Variants in EXOC1 observed in about 807,000 individuals in gnomAD.
The protein encoded by EXOC1 is exocyst complex component 1.
In EXOC1, 67 loss-of-function variants were observed where a neutral mutation model predicts 107.7. The observed-to-expected ratio is 0.62, with a 90% confidence interval of 0.51 to 0.76. EXOC1 has a LOEUF of 0.76. Ranked by LOEUF, EXOC1 falls within the 30% of genes least tolerant of loss-of-function variation. EXOC1 has a pLI of 0.00. For missense variants in EXOC1, 833 were observed against 1,055.7 expected (o/e 0.79, Z 2.92); for synonymous variants, 348 against 353.5 (o/e 0.98, Z 0.17).
chr4:55,896,141 G>T (rs1017685931), intron 15 of EXOC1, among the ~76,000 whole-genome samples: 11 of 152,110 alleles, frequency 7.2e-5, no homozygotes, highest in African/African-American at 2.4e-4. Context: ...GGCCTTGATT[G>T]TATTTTGTTT....
chr4:55,860,592 T>C, intron 3 of EXOC1, 51 bp downstream of exon 3: 1 of 1,598,270 alleles, frequency 6.3e-7, no homozygotes, highest in Non-Finnish European at 8.6e-7. Flanking sequence ...TCTTTCATTT[T>C]ATAACATGGT....
intron 3 of EXOC1, among the ~76,000 whole-genome samples, chr4:55,862,011 G>A (rs569848815): frequency 1.2e-4 from 18 of 151,982 alleles, no homozygotes; most frequent in Non-Finnish European, 2.2e-4. Flanking sequence ...CCGAGATTGC[G>A]CCACTGCACT....
intron 13 of EXOC1, 94 bp from the exon 14 acceptor site, chr4:55,892,541 C>T: frequency 1.1e-6 from 1 of 935,454 alleles, no homozygotes; most frequent in East Asian, 2.4e-5. Context: ...GTATTCTTTC[C>T]TAGGAATTTT....
chr4:55,880,421 G>A (rs1723285388), intron 9 of EXOC1, among the ~76,000 whole-genome samples: 2 of 151,914 alleles, frequency 1.3e-5, no homozygotes, highest in Admixed American at 1.3e-4. Flanking sequence ...CACCTCCACT[G>A]TTGTGTTATA....
intron 16 of EXOC1, among the ~76,000 whole-genome samples, chr4:55,899,095 A>G (rs945057409): frequency 1.3e-5 from 2 of 152,078 alleles, no homozygotes; most frequent in African/African-American, 2.4e-5. Context: ...CTGATAGGCT[A>G]TAAATTATCT....
Position 55,858,461 on chromosome 4 carries a change from A to G in EXOC1, c.124+14A>G, listed in dbSNP as rs1447739909. The G allele has an allele frequency of 1.9e-6, 3 of 1,574,550 alleles. No individual in the cohort carries two copies. The highest frequency in any genetic ancestry group is 1.7e-6 in the Non-Finnish European group (2 of 1,163,762). On this transcript the variant is annotated intron_variant, in intron 2 of 18. Coordinates refer to ENST00000381295, the MANE Select transcript of EXOC1 (RefSeq NM_001024924.2). ...TATGTGCCACAGGTGGGTATTTAGT[A>G]AGAAAGAGTACTTGTTTTGTATCCT...
chr4:55,860,219 C>G (rs1721345085), intron 2 of EXOC1, among the ~76,000 whole-genome samples, 192 bp from the exon 3 acceptor site: 2 of 152,156 alleles, frequency 1.3e-5, no homozygotes, highest in Admixed American at 1.3e-4. Context: ...GGAATCTCCT[C>G]TGATCTTCTA....
Position 55,870,840 on chromosome 4 carries a change from A to G in EXOC1, c.766A>G (p.Asn256Asp), listed in dbSNP as rs749380037. ...ACAAATGGATCAGATCTCTGAAAGCAACCACCTAATTCATCTTAGTAACAC... is the reference window on the plus strand; with the variant it reads ...ACAAATGGATCAGATCTCTGAAAGCGACCACCTAATTCATCTTAGTAACAC... ...KEQMDQISES[N>D]HLIHLSNTNN... The change falls in exon 6 of 19, where the codon AAC becomes GAC. Residue 256 changes from asparagine (N) to aspartate (D), a missense_variant. Physicochemically the swap from Asn to Asp is conservative, Grantham distance 23 (BLOSUM62 1). Transcript: ENST00000381295. The G allele has an allele frequency of 4.3e-6, 7 of 1,613,968 alleles. No homozygotes were observed. In the East Asian group the frequency reaches 1.6e-4, roughly 36 times the overall value.
At chr4:55,878,694 C>T (rs1334879615) in intron 9 of EXOC1, among the ~76,000 whole-genome samples, 1 of 151,968 alleles carries the variant, frequency 6.6e-6, no homozygotes, top group Non-Finnish European at 1.5e-5. Flanking sequence ...TTAAATAAAC[C>T]AGAAATAAGA....
At chr4:55,856,442 G>A (rs1389709443) in intron 1 of EXOC1, among the ~76,000 whole-genome samples, 1 of 152,328 alleles carries the variant, frequency 6.6e-6, no homozygotes, top group East Asian at 1.9e-4. Context: ...GTGGGAAGAT[G>A]TGAATTTTAT....
In EXOC1 at chr4:55,864,230, A is replaced by T. The variant is rs201972626; in HGVS notation, c.259A>T (p.Asn87Tyr). 17 of 1,538,966 alleles carry T rather than the reference A, an allele frequency of 1.1e-5. No homozygotes were observed. The East Asian group carries it at 3.9e-4, about 36-fold the overall frequency. ...VVDAKDAIKE[N>Y]PEFDLHFEKI... ...CTTTTGTATATTTTTATTTTAGGAA[A>T]ATCCTGAATTTGATTTACACTTTGA... The change falls in exon 4 of 19, where the codon AAT (asparagine) becomes TAT (tyrosine). Residue 87 changes from asparagine (N) to tyrosine (Y), a missense_variant. Asn to Tyr is a moderately radical substitution (Grantham distance 143). Coordinates refer to ENST00000381295, the MANE Select transcript of EXOC1 (RefSeq NM_001024924.2).
intron 1 of EXOC1, among the ~76,000 whole-genome samples, chr4:55,857,867 T>C (rs957888768): frequency 1.3e-5 from 2 of 152,202 alleles, no homozygotes; most frequent in Non-Finnish European, 2.9e-5. Context: ...CTCATTGTGG[T>C]TTTGATTTGC....
At chr4:55,858,961 C>T (rs1259050851) in intron 2 of EXOC1, among the ~76,000 whole-genome samples, 1 of 152,026 alleles carries the variant, frequency 6.6e-6, no homozygotes, top group Non-Finnish European at 1.5e-5. Flanking sequence ...AAGATCCTTC[C>T]CTGTATCTTT....
intron 16 of EXOC1, among the ~76,000 whole-genome samples, chr4:55,897,133 T>TC (rs1409236445): frequency 6.6e-6 from 1 of 151,730 alleles, no homozygotes; most frequent in Non-Finnish European, 1.5e-5. Context: ...GAAAATCTTT[T>TC]TTTTTTTTTT....
In EXOC1 at chr4:55,890,263, T is replaced by G; in HGVS notation, c.1416T>G (p.Ser472=). 1 of 1,614,080 alleles carries G rather than the reference T, an allele frequency of 6.2e-7. No homozygotes were observed. Among genetic ancestry groups the G allele is most frequent in the Non-Finnish European group, 8.5e-7 (1 of 1,179,954 alleles). ...GSSGKLTGST[S]SLNKLSVQSS... Reference sequence around the variant, plus strand: ...CGGGGAAATTAACTGGATCTACTTCTAGTCTAAATAAGCTCAGTGTTCAGA... The same window carrying G: ...CGGGGAAATTAACTGGATCTACTTCGAGTCTAAATAAGCTCAGTGTTCAGA... Residue 472 remains serine (S), a synonymous_variant, in exon 12 of 19, where the codon TCT becomes TCG. Coordinates refer to ENST00000381295, the MANE Select transcript of EXOC1 (RefSeq NM_001024924.2).
intron 1 of EXOC1, among the ~76,000 whole-genome samples, chr4:55,854,338 A>G (rs1361508169): frequency 1.3e-5 from 2 of 152,194 alleles, no homozygotes; most frequent in Non-Finnish European, 2.9e-5. Context: ...GCTATTTGTC[A>G]CACAGTGTGG....
chr4:55,875,670 G>A (rs1722832663), intron 8 of EXOC1: 1 of 984,918 alleles, frequency 1.0e-6, no homozygotes, highest in South Asian at 4.7e-5. Flanking sequence ...AGATTGTTTT[G>A]GATAACGATA....
chr4:55,888,994 T>C (rs1002940880), intron 11 of EXOC1, 62 bp downstream of exon 11: 2 of 1,571,756 alleles, frequency 1.3e-6, no homozygotes, highest in Non-Finnish European at 1.7e-6. Flanking sequence ...GTCTAGAAAT[T>C]AGTTGTCTTG....
rs778686885 is a variant in EXOC1 at position 55,892,700 on chromosome 4, T to C, written c.1713T>C (p.Pro571=). 6.2e-7 allele frequency: 1 copy of C among 1,614,086 alleles called. No individual in the cohort carries two copies. The highest frequency in any genetic ancestry group is 1.1e-5 in the South Asian group (1 of 91,086). Residue 571 remains proline (P), a synonymous_variant, in exon 14 of 19, where the codon CCT becomes CCC. Coordinates refer to ENST00000381295, the MANE Select transcript of EXOC1 (RefSeq NM_001024924.2). ...SRQHNCGTPL[P]VSSEKDMIRQ... is the part of the protein sequence containing the mutation. ...AACATAATTGTGGCACACCACTGCC[T>C]GTTTCATCTGAGTATGTCTTTGTTA...
Sources: gnomAD v4.1 joint callset for allele counts (sites outside exome capture counted in the v4.1 genomes callset) on GRCh38, gnomAD v4.1.1 for gene constraint, MANE v1.5 for transcripts, NCBI Gene and HGNC (gene_info 2026-07-23, HGNC 2026-07-21) for gene names.